Variants in GULP1 observed in about 807,000 individuals in gnomAD.
GULP1 encodes the protein GULP PTB domain containing engulfment adaptor 1, also known as PTB domain-containing engulfment adapter protein 1.
A neutral mutation model predicts 40.9 loss-of-function variants in GULP1; 19 were observed. The observed-to-expected ratio is 0.46, with a 90% CI of 0.32 to 0.68. The LOEUF is 0.68. Among genes scored for constraint, GULP1 ranks in the 30% least tolerant of loss-of-function variants. The probability of loss-of-function intolerance (pLI) is 0.03; values close to 1 mark genes in which losing one functional copy is unlikely to be tolerated. For missense variants in GULP1, 312 were observed against 362.2 expected (o/e 0.86, Z 1.12); for synonymous variants, 119 against 117.6 (o/e 1.01, Z -0.08).
At chr2:188,409,134 T>A (rs531261392) in intron 2 of GULP1, among the ~76,000 whole-genome samples, 1 of 151,822 alleles carries the variant, frequency 6.6e-6, no homozygotes, top group Admixed American at 6.6e-5. Flanking sequence ...ATAATAAAAA[T>A]CAGTGCAAAT....
At chr2:188,498,390 G>A in intron 4 of GULP1, among the ~76,000 whole-genome samples, 1 of 151,770 alleles carries the variant, frequency 6.6e-6, no homozygotes, top group Non-Finnish European at 1.5e-5. Context: ...AGAACATCTG[G>A]GTTAGAAATA....
intron 7 of GULP1, among the ~76,000 whole-genome samples, chr2:188,566,351 C>T (rs1697650529): frequency 6.6e-6 from 1 of 152,014 alleles, no homozygotes; most frequent in East Asian, 1.9e-4. Context: ...AGAATATTTA[C>T]TAGACAGCTA....
intron 2 of GULP1, among the ~76,000 whole-genome samples, chr2:188,396,240 G>T (rs12624002): frequency 0.49 from 74,171 of 152,076 alleles, 18,558 homozygotes; most frequent in East Asian, 0.69. Flanking sequence ...CAAAATTTCT[G>T]TCTTTCATGT....
At chr2:188,349,535 A>T (rs975177146) in intron 1 of GULP1, among the ~76,000 whole-genome samples, 1 of 152,130 alleles carries the variant, frequency 6.6e-6, no homozygotes. Context: ...TCATCTGTAT[A>T]TCTTCTTTAG....
At chr2:188,473,362 A>C (rs1283699160) in intron 2 of GULP1, among the ~76,000 whole-genome samples, 1 of 152,138 alleles carries the variant, frequency 6.6e-6, no homozygotes, top group Non-Finnish European at 1.5e-5. Context: ...CCTTCCATTC[A>C]GGGCACTGTG....
intron 1 of GULP1, among the ~76,000 whole-genome samples, chr2:188,334,486 T>G (rs886370144): frequency 2.6e-5 from 4 of 152,164 alleles, no homozygotes; most frequent in Non-Finnish European, 4.4e-5. Flanking sequence ...GATTAAAATC[T>G]CTGGGGGTGT....
intron 4 of GULP1, 95 bp downstream of exon 4, chr2:188,483,587 T>G (rs1305169258): frequency 2.1e-6 from 1 of 478,358 alleles, no homozygotes. Flanking sequence ...TGACATTTCC[T>G]GGTTATTGAT....
intron 2 of GULP1, among the ~76,000 whole-genome samples, chr2:188,461,152 T>C (rs1159885932): frequency 6.6e-6 from 1 of 152,130 alleles, no homozygotes; most frequent in Admixed American, 6.5e-5. Context: ...GGTTTTGTTA[T>C]CAGGATAATC....
chr2:188,394,701 A>T (rs532123568), intron 2 of GULP1, among the ~76,000 whole-genome samples: 28 of 152,062 alleles, frequency 1.8e-4, no homozygotes, highest in South Asian at 6.2e-4. Flanking sequence ...TTGACTTTTT[A>T]AAAAAAATTC....
chr2:188,313,469 C>T (rs937133645), intron 1 of GULP1, among the ~76,000 whole-genome samples: 1 of 152,086 alleles, frequency 6.6e-6, no homozygotes, highest in African/African-American at 2.4e-5. Flanking sequence ...CTCCATTGGT[C>T]TATATGTCTG....
At chr2:188,352,497 T>C (rs1225082334) in intron 1 of GULP1, among the ~76,000 whole-genome samples, 1 of 151,944 alleles carries the variant, frequency 6.6e-6, no homozygotes, top group African/African-American at 2.4e-5. Flanking sequence ...CTGTAGATCT[T>C]GGCATTTCTT....
At chr2:188,308,989 G>A (rs1177723943) in intron 1 of GULP1, among the ~76,000 whole-genome samples, 1 of 152,168 alleles carries the variant, frequency 6.6e-6, no homozygotes, top group African/African-American at 2.4e-5. Flanking sequence ...GGAGCAGGCA[G>A]CATCAGATTT....
At chr2:188,571,917 T>C (rs1237476543) in intron 9 of GULP1, among the ~76,000 whole-genome samples, 1 of 152,220 alleles carries the variant, frequency 6.6e-6, no homozygotes, top group East Asian at 1.9e-4. Flanking sequence ...TCCATCACCT[T>C]CTTGGATGCA....
At chr2:188,499,666 G>A (rs985209878) in intron 4 of GULP1, among the ~76,000 whole-genome samples, 1 of 151,728 alleles carries the variant, frequency 6.6e-6, no homozygotes, top group African/African-American at 2.4e-5. Context: ...GGTCTTCTAT[G>A]CAGGTAATGT....
intron 5 of GULP1, among the ~76,000 whole-genome samples, chr2:188,525,386 C>A (rs2153229611): frequency 6.6e-6 from 1 of 152,068 alleles, no homozygotes; most frequent in African/African-American, 2.4e-5. Flanking sequence ...AGGGAAACTT[C>A]ATCTCAAAAA....
intron 7 of GULP1, among the ~76,000 whole-genome samples, chr2:188,556,109 A>G (rs772067914): frequency 7.2e-5 from 11 of 151,900 alleles, no homozygotes; most frequent in Non-Finnish European, 1.2e-4. Context: ...TTCATTGACT[A>G]TTTCATGAAA....
chr2:188,457,393 C>G (rs1383869743), intron 2 of GULP1, among the ~76,000 whole-genome samples: 1 of 152,092 alleles, frequency 6.6e-6, no homozygotes. Flanking sequence ...GTGCTGTTCT[C>G]ATGATAGTGA....
intron 1 of GULP1, among the ~76,000 whole-genome samples, chr2:188,319,019 G>A (rs1228710044): frequency 4.6e-5 from 7 of 152,012 alleles, no homozygotes; most frequent in Non-Finnish European, 1.0e-4. Context: ...GGTGATATTT[G>A]TTTTCTAAAC....
chr2:188,431,377 GAGTT>G (rs989570195), intron 2 of GULP1, among the ~76,000 whole-genome samples: 6 of 152,146 alleles, frequency 3.9e-5, no homozygotes, highest in African/African-American at 1.4e-4. Context: ...TTGAAGAAGA[GAGTT>G]AGCATCTCAG....
Sources: allele counts gnomAD v4.1 joint callset (sites outside exome capture counted in the v4.1 genomes callset), GRCh38; gene constraint gnomAD v4.1.1; transcripts MANE v1.5; gene names NCBI Gene and HGNC (gene_info 2026-07-23, HGNC 2026-07-21).